Variants in SLC6A15 observed in about 807,000 individuals in gnomAD.
SLC6A15 encodes solute carrier family 6 member 15, also known as sodium-dependent neutral amino acid transporter B(0)AT2.
SLC6A15 carries 33 observed loss-of-function variants against 68.5 expected under a neutral mutation model. The ratio of observed to expected loss-of-function variants is 0.48; its 90% CI spans 0.37 to 0.64. The LOEUF is 0.64. Among genes scored for constraint, SLC6A15 ranks in the 30% least tolerant of loss-of-function variants. SLC6A15 has a pLI of 0.00. For synonymous variants in SLC6A15, 347 were observed against 301.0 expected, an observed-to-expected ratio of 1.15 and a Z score of -1.58; for missense variants, 747 against 874.3, an observed-to-expected ratio of 0.85 and a Z score of 1.84.
rs576709979 is a variant in SLC6A15 at position 84,892,285 on chromosome 12, G to T, written c.-165C>A. The T allele has an allele frequency of 5.1e-6, 3 of 592,058 alleles. No homozygotes were observed. The African/African-American group carries it at 5.6e-5, about 11-fold the overall frequency. 36.7% of individuals were successfully genotyped at this position (592,058 alleles called of 1,614,324 possible). A position where few individuals can be genotyped will look rare whatever the true frequency, so the allele number is the denominator to read the frequency against. ...ATAAAGCCTTATGGATTCTGAATCC[G>T]TATGTCCAGTATTCTGTAGGTACCT... On this transcript the variant is annotated 5_prime_UTR_variant, in exon 2 of 12. Coordinates refer to ENST00000266682, the MANE Select transcript of SLC6A15 (RefSeq NM_182767.6).
At chr12:84,911,984 G>A (rs754045163) in intron 1 of SLC6A15, 1 of 152,188 alleles carries the variant, frequency 6.6e-6, no homozygotes, top group Non-Finnish European at 1.5e-5. Flanking sequence ...TCTGTCCTCG[G>A]TAGTCGCCTT....
rs192122089 is a variant in SLC6A15 at position 84,862,100 on chromosome 12, C to G, written c.1819-94G>C. On this transcript the variant is annotated intron_variant, in intron 11 of 11. Transcript: ENST00000266682. ...TGCTTCAAGTTTGTAAGCAAAGAAT[C>G]TGGGCTGGCTTTGTGACTTGCTTTG... 10 of 1,315,334 alleles carry G rather than the reference C, an allele frequency of 7.6e-6. No homozygotes were observed. In the East Asian group the frequency reaches 2.5e-4, roughly 32 times the overall value. The allele number at this position is 1,315,334 out of a possible 1,614,324, so 81.5% of individuals were successfully genotyped here.
chr12:84,880,629 A>G (rs79194208), intron 5 of SLC6A15, among the ~76,000 whole-genome samples: 1,783 of 152,324 alleles, frequency 0.012, 37 homozygotes, highest in African/African-American at 0.041. Flanking sequence ...AATGATTATT[A>G]CACATTGTCC....
chr12:84,902,717 T>C (rs966492673), intron 1 of SLC6A15, among the ~76,000 whole-genome samples: 2 of 152,002 alleles, frequency 1.3e-5, no homozygotes, highest in Non-Finnish European at 2.9e-5. Flanking sequence ...AAGGAAATGA[T>C]ACTCAGTGAA....
At chr12:84,894,276 A>G (rs1428441795) in intron 1 of SLC6A15, among the ~76,000 whole-genome samples, 2 of 152,206 alleles carry the variant, frequency 1.3e-5, no homozygotes, top group East Asian at 3.8e-4. Flanking sequence ...AAAAAGATTT[A>G]CATTTATTAA....
chr12:84,883,772 C>A lies in SLC6A15; in HGVS notation c.756+87G>T, dbSNP rs144274445. 10,351 of 1,613,466 alleles carry A rather than the reference C, an allele frequency of 6.4e-3. 45 individuals are homozygous for A. Among genetic ancestry groups the A allele is most frequent in the Non-Finnish European group, 7.8e-3 (9,161 of 1,179,828 alleles). On this transcript the variant is annotated intron_variant, in intron 5 of 11. Transcript: ENST00000266682. ...AGAATGAAGTGTTATGTGTGATTTG[C>A]CCACAGAAATCTGTAACAGAATTTG...
chr12:84,909,327 G>A (rs1298210382), intron 1 of SLC6A15, among the ~76,000 whole-genome samples: 2 of 152,122 alleles, frequency 1.3e-5, no homozygotes, highest in African/African-American at 4.8e-5. Context: ...TGACCTTCAA[G>A]GCTGAACACA....
chr12:84,872,475 A>G (rs1253417390), intron 8 of SLC6A15, 127 bp downstream of exon 8: 3 of 583,850 alleles, frequency 5.1e-6, no homozygotes, highest in Non-Finnish European at 8.7e-6. Flanking sequence ...AATGCCCAGG[A>G]GCTTCTCCGG....
rs1363693807 is a variant in SLC6A15, at chr12:84,892,267, C to T, written c.-147G>A. On this transcript the variant is annotated 5_prime_UTR_variant, in exon 2 of 12. Transcript: ENST00000266682. ...AATCCTTGATTCAAGGTGATAAAGC[C>T]TTATGGATTCTGAATCCGTATGTCC... 2 of 704,252 alleles carry T rather than the reference C, an allele frequency of 2.8e-6. No homozygotes were observed. Among genetic ancestry groups the T allele is most frequent in the Admixed American group, 6.5e-5 (2 of 30,878 alleles). The allele number at this position is 704,252 out of a possible 1,614,324, so 43.6% of individuals were successfully genotyped here.
intron 10 of SLC6A15, 45 bp from the exon 11 acceptor site, chr12:84,863,646 C>T (rs1490843389): frequency 2.9e-6 from 4 of 1,365,060 alleles, no homozygotes; most frequent in South Asian, 3.5e-5. Context: ...TTTAATATTG[C>T]TAAACCTTAA....
At position 84,892,159 on chromosome 12, in the gene SLC6A15, C is replaced by T; in HGVS notation, c.-39G>A. 2.4e-6 allele frequency: 2 copies of T among 838,874 alleles called. No homozygotes were observed. The highest frequency in any genetic ancestry group is 3.7e-6 in the Non-Finnish European group (2 of 535,264). The allele number at this position is 838,874 out of a possible 1,614,324, so 52.0% of individuals were successfully genotyped here. A position where few individuals can be genotyped will look rare whatever the true frequency, so the allele number is the denominator to read the frequency against. On this transcript the variant is annotated 5_prime_UTR_variant, in exon 2 of 12. Coordinates refer to ENST00000266682, the MANE Select transcript of SLC6A15 (RefSeq NM_182767.6). ...AAGTATTTAAAAAAAAAAAAAAAAACTCCCTTATGGCAAATGTGTTAACTC... is the reference window on the plus strand; with the variant it reads ...AAGTATTTAAAAAAAAAAAAAAAAATTCCCTTATGGCAAATGTGTTAACTC...
chr12:84,894,111 T>A (rs1262996595), intron 1 of SLC6A15, among the ~76,000 whole-genome samples: 2 of 152,162 alleles, frequency 1.3e-5, no homozygotes, highest in Non-Finnish European at 1.5e-5. Flanking sequence ...TTAATTTATA[T>A]TATTTTCCCC....
In SLC6A15 at chr12:84,887,699, T is replaced by G. The variant is rs546174425; in HGVS notation, c.290-1631A>C. On this transcript the variant is annotated intron_variant, in intron 2 of 11. Coordinates refer to ENST00000266682, the MANE Select transcript of SLC6A15 (RefSeq NM_182767.6). ...TATGAATGGATTTTTTATACGCATG[T>G]GAATGAGTAAGAAAAAAGAGAGAGA... Among the ~76,000 whole-genome samples, 3 of 151,682 alleles carry G rather than the reference T, an allele frequency of 2.0e-5. No homozygotes were observed. In the East Asian group the frequency reaches 5.8e-4, roughly 29 times the overall value.
At chr12:84,882,984 T>C in intron 5 of SLC6A15, 4 of 978,520 alleles carry the variant, frequency 4.1e-6, no homozygotes, top group Non-Finnish European at 4.9e-6. Flanking sequence ...CCATTCCTGC[T>C]AGTATATGAT....
At chr12:84,903,586 C>G (rs1415045278) in intron 1 of SLC6A15, among the ~76,000 whole-genome samples, 1 of 152,062 alleles carries the variant, frequency 6.6e-6, no homozygotes, top group Non-Finnish European at 1.5e-5. Flanking sequence ...TAGGGGAGAA[C>G]ATGAACCTTG....
At chr12:84,894,224 A>C (rs183967338) in intron 1 of SLC6A15, among the ~76,000 whole-genome samples, 58 of 152,284 alleles carry the variant, frequency 3.8e-4, no homozygotes, top group Non-Finnish European at 4.6e-4. Context: ...AAACAACCTG[A>C]CATATAAAAA....
chr12:84,910,718 G>A (rs998129979), intron 1 of SLC6A15, among the ~76,000 whole-genome samples: 26 of 152,096 alleles, frequency 1.7e-4, no homozygotes, highest in Admixed American at 6.5e-4. Flanking sequence ...ACATCGCGCC[G>A]GAACAAGAGC....
intron 1 of SLC6A15, among the ~76,000 whole-genome samples, chr12:84,908,359 T>C (rs1873271857): frequency 6.6e-6 from 1 of 151,898 alleles, no homozygotes. Context: ...AATATAATTT[T>C]ATTTCTAAAA....
At chr12:84,882,290 G>A in intron 5 of SLC6A15, 1 of 985,316 alleles carries the variant, frequency 1.0e-6, no homozygotes, top group East Asian at 1.1e-4. Context: ...TTTATAATGT[G>A]ACGGGAATGT....
Sources: allele counts gnomAD v4.1 joint callset (sites outside exome capture counted in the v4.1 genomes callset), GRCh38; gene constraint gnomAD v4.1.1; transcripts MANE v1.5; gene names NCBI Gene and HGNC (gene_info 2026-07-23, HGNC 2026-07-21).